ANK2: variants seen among roughly 807,000 people sequenced by gnomAD.
The protein encoded by ANK2 is ankyrin 2.
A neutral mutation model predicts 360.5 loss-of-function variants in ANK2; 83 were observed. The ratio of observed to expected loss-of-function variants is 0.23; its 90% CI spans 0.19 to 0.28. The LOEUF (loss-of-function observed/expected upper bound fraction) is 0.28. Ranked by LOEUF, ANK2 falls within the 10% of genes least tolerant of loss-of-function variation. ANK2 has a pLI of 1.00. For synonymous variants in ANK2, 1,740 were observed against 1,759.5 expected (o/e 0.99, Z 0.28); for missense variants, 4,201 against 4,795.7 (o/e 0.88, Z 3.66).
rs2096684505 is a variant in ANK2, at chr4:113,370,321, T to G, written c.11610+516T>G. 2.0e-5 allele frequency among the ~76,000 whole-genome samples: 3 copies of G among 152,192 alleles called. No homozygotes were observed. The South Asian group carries it at 6.2e-4, about 31-fold the overall frequency. On this transcript the variant is annotated intron_variant, in intron 43 of 45. Coordinates refer to ENST00000357077, the MANE Select transcript of ANK2 (RefSeq NM_001148.6). ...CAAGTTAGATTTTTTTTTTTAAGAT[T>G]TATTTTAGGAATGACTGAGAAAAAG...
upstream of ANK2, among the ~76,000 whole-genome samples, chr4:112,817,596 A>C (rs1245413827): frequency 6.6e-6 from 1 of 151,796 alleles, no homozygotes; most frequent in Non-Finnish European, 1.5e-5. Context: ...AGCTTAAAAC[A>C]CACACACACA....
intron 2 of ANK2, among the ~76,000 whole-genome samples, chr4:113,042,685 A>G (rs1183033856): frequency 1.3e-5 from 2 of 152,098 alleles, no homozygotes. Flanking sequence ...CTACCATTCA[A>G]CTATGTGGGC....
the ANK2 span, among the ~76,000 whole-genome samples, chr4:112,784,375 T>C: frequency 1.3e-4 from 15 of 118,936 alleles, no homozygotes; most frequent in Non-Finnish European, 2.5e-4. Context: ...TTTTTTTTTT[T>C]CAGACAGAGT....
chr4:113,374,827 G>T, intron 45 of ANK2: 1 of 1,258,988 alleles, frequency 7.9e-7, no homozygotes, highest in South Asian at 1.3e-5. Flanking sequence ...GCCAGTGGAA[G>T]GCCGTAGAGT....
chr4:112,737,777 G>A, the ANK2 span, among the ~76,000 whole-genome samples: 1 of 152,190 alleles, frequency 6.6e-6, no homozygotes, highest in African/African-American at 2.4e-5. Context: ...AGTCGAAGGA[G>A]TTGGACTATG....
intron 1 of ANK2, among the ~76,000 whole-genome samples, chr4:112,840,229 T>C (rs1426552103): frequency 6.6e-6 from 1 of 152,204 alleles, no homozygotes; most frequent in Admixed American, 6.5e-5. Flanking sequence ...CTTAGGAATC[T>C]GTATTTTCAT....
At chr4:113,066,768 G>A (rs953488268) in intron 1 of ANK2, among the ~76,000 whole-genome samples, 16 of 152,076 alleles carry the variant, frequency 1.1e-4, no homozygotes, top group East Asian at 1.9e-4. Flanking sequence ...ACTCTGGAAC[G>A]GGACCACCTG....
intron 45 of ANK2, among the ~76,000 whole-genome samples, chr4:113,374,231 C>T (rs574317469): frequency 1.3e-4 from 20 of 152,200 alleles, no homozygotes; most frequent in African/African-American, 4.6e-4. Context: ...GCAATCTATA[C>T]TTTAATTTAT....
chr4:113,347,852 A>G (rs2095045142), intron 35 of ANK2: 2 of 183,354 alleles, frequency 1.1e-5, no homozygotes, highest in Non-Finnish European at 1.2e-5. Context: ...TGTTAGAATA[A>G]TGCTTCTAAA....
At chr4:113,243,692 G>A (rs1291261397) in intron 9 of ANK2, among the ~76,000 whole-genome samples, 1 of 152,132 alleles carries the variant, frequency 6.6e-6, no homozygotes, top group African/African-American at 2.4e-5. Flanking sequence ...TGCATGGTTT[G>A]CTTACTTATT....
chr4:112,870,471 A>C (rs2072553316), intron 1 of ANK2, among the ~76,000 whole-genome samples: 1 of 152,124 alleles, frequency 6.6e-6, no homozygotes, highest in Non-Finnish European at 1.5e-5. Flanking sequence ...TTCCACTTTA[A>C]GTTAATTTTC....
At chr4:113,054,541 T>C (rs1580205367) in intron 1 of ANK2, among the ~76,000 whole-genome samples, 1 of 152,222 alleles carries the variant, frequency 6.6e-6, no homozygotes, top group African/African-American at 2.4e-5. Flanking sequence ...CCAAATAGTA[T>C]TGGAGTCAAT....
intron 4 of ANK2, among the ~76,000 whole-genome samples, chr4:113,221,527 CACA>C (rs2099151517): frequency 2.0e-5 from 3 of 151,910 alleles, no homozygotes; most frequent in Admixed American, 2.0e-4. Context: ...GGCATGGTGG[CACA>C]GGCCTGTAAT....
chr4:112,831,875 T>C (rs2059829495), intron 1 of ANK2, among the ~76,000 whole-genome samples: 1 of 151,962 alleles, frequency 6.6e-6, no homozygotes, highest in Non-Finnish European at 1.5e-5. Flanking sequence ...GTAACACTCA[T>C]TGTGAAGGTT....
chr4:113,243,367 A>G (rs571760519), intron 9 of ANK2, among the ~76,000 whole-genome samples: 1 of 152,322 alleles, frequency 6.6e-6, no homozygotes, highest in South Asian at 2.1e-4. Flanking sequence ...GGGGCTAGCA[A>G]ACACTTTTGT....
intron 15 of ANK2, among the ~76,000 whole-genome samples, chr4:113,277,366 G>A (rs2060621941): frequency 1.3e-5 from 2 of 151,990 alleles, no homozygotes; most frequent in African/African-American, 4.8e-5. Context: ...ACTAATTCAC[G>A]AATACTTGTT....
intron 1 of ANK2, among the ~76,000 whole-genome samples, chr4:112,840,755 A>G (rs1165638667): frequency 1.3e-5 from 2 of 152,252 alleles, no homozygotes; most frequent in African/African-American, 4.8e-5. Context: ...AGGTGAGTCT[A>G]GTAGCATCAT....
At chr4:113,319,531 T>G (rs1380238014) in intron 26 of ANK2, among the ~76,000 whole-genome samples, 3 of 151,906 alleles carry the variant, frequency 2.0e-5, no homozygotes, top group African/African-American at 7.2e-5. Flanking sequence ...GAAAAGTAGA[T>G]CCTTTCTTAT....
intron 2 of ANK2, among the ~76,000 whole-genome samples, chr4:112,976,333 A>G (rs1453219690): frequency 6.6e-6 from 1 of 152,072 alleles, no homozygotes; most frequent in East Asian, 1.9e-4. Flanking sequence ...AGCTGGGATT[A>G]CAGGTGCACA....
Sources: gnomAD v4.1 joint callset for allele counts (sites outside exome capture counted in the v4.1 genomes callset) on GRCh38, gnomAD v4.1.1 for gene constraint, MANE v1.5 for transcripts, NCBI Gene and HGNC (gene_info 2026-07-23, HGNC 2026-07-21) for gene names.